The following ORC2 variants were observed in gnomAD, a reference collection of about 807,000 sequenced individuals.
ORC2 encodes the protein origin recognition complex subunit 2.
In ORC2, 37 loss-of-function variants were observed where a neutral mutation model predicts 77.7. The observed-to-expected ratio is 0.48, with a 90% CI of 0.37 to 0.63. ORC2 has a LOEUF of 0.63. ORC2 is among the 20% of genes least tolerant of loss of function. The pLI is 0.00. For missense variants in ORC2, 557 were observed against 661.9 expected, an observed-to-expected ratio of 0.84 and a Z score of 1.74; for synonymous variants, 201 against 229.5, an observed-to-expected ratio of 0.88 and a Z score of 1.12.
At chr2:200,948,254 G>A (rs1482270402) in intron 5 of ORC2, among the ~76,000 whole-genome samples, 3 of 152,008 alleles carry the variant, frequency 2.0e-5, no homozygotes, top group African/African-American at 7.2e-5. Context: ...TCGCTATGTT[G>A]CCCAGGCTGG....
Position 200,926,862 on chromosome 2 carries a change from T to A in ORC2, c.956A>T (p.Lys319Met). The A allele has an allele frequency of 6.2e-7, 1 of 1,613,914 alleles. No homozygotes were observed. The highest frequency in any genetic ancestry group is 8.5e-7 in the Non-Finnish European group (1 of 1,179,846). The change falls in exon 12 of 18, where the codon AAG (lysine) becomes ATG (methionine). Residue 319 changes from lysine to methionine, a missense_variant. Lys to Met is a moderately conservative substitution (Grantham distance 95). Transcript: ENST00000234296. ...FNIVLYGLGSKRDLLERFRTT... is the reference protein window; with the variant it reads ...FNIVLYGLGSMRDLLERFRTT... ...TCGAAACCTTTCTAGTAAATCTCTCTTAGAACCCAAACCATAAAGCACAAT... is the reference window on the plus strand; with the variant it reads ...TCGAAACCTTTCTAGTAAATCTCTCATAGAACCCAAACCATAAAGCACAAT...
In ORC2 at chr2:200,909,232, A is replaced by G. The variant is rs1559353892; in HGVS notation, c.*2069T>C. The G allele has an allele frequency of 6.6e-6, 1 of 152,222 alleles. No homozygotes were observed. Among genetic ancestry groups the G allele is most frequent in the African/African-American group, 2.4e-5 (1 of 41,460 alleles). The allele number at this position is 152,222 out of a possible 1,614,324, so 9.4% of individuals were successfully genotyped here. On this transcript the variant is annotated 3_prime_UTR_variant, in exon 18 of 18. Transcript: ENST00000234296. ...AAGACAGATACTTTTACATATGCAT[A>G]GACGATATCTGGAAGAATACTTAAG... is the stretch of plus-strand genomic sequence containing the variant.
Position 200,935,910 on chromosome 2 carries a change from G to A in ORC2, c.515-18C>T. On this transcript the variant is annotated intron_variant, in intron 8 of 17. Coordinates refer to ENST00000234296, the MANE Select transcript of ORC2 (RefSeq NM_006190.5). ...CCTTGGAACTGTGGGGGGAAAAATA[G>A]CAATTTGGACAATTTCATGGTTTGA... 1 of 1,605,498 alleles carries A rather than the reference G, an allele frequency of 6.2e-7. No individual in the cohort carries two copies. Among genetic ancestry groups the A allele is most frequent in the Non-Finnish European group, 8.5e-7 (1 of 1,175,624 alleles).
chr2:200,920,087 T>C (rs2040729184), intron 15 of ORC2, 135 bp downstream of exon 15: 1 of 601,572 alleles, frequency 1.7e-6, no homozygotes, highest in South Asian at 3.1e-5. Flanking sequence ...CATAATCCAG[T>C]ACTGGTAACT....
At chr2:200,920,929 A>G (rs2040745730) in intron 14 of ORC2, 64 bp downstream of exon 14, 3 of 1,195,120 alleles carry the variant, frequency 2.5e-6, no homozygotes, top group Non-Finnish European at 1.1e-6. Flanking sequence ...TCTGATTTAT[A>G]TTAATAGAAT....
rs146776060 is a variant in ORC2 at position 200,957,431 on chromosome 2, A to G, written c.208T>C (p.Tyr70His). The stretch of plus-strand genomic sequence containing the variant: ...ACATCTCTTCCCATAATTTCCACAT[A>G]GTTCTGATCTTTTAAGACCTCCTGG... Reference protein sequence around the residue: ...DDQEVLKDQNYVEIMGRDVQE... With the variant: ...DDQEVLKDQNHVEIMGRDVQE... The change falls in exon 4 of 18, where the codon TAT (tyrosine) becomes CAT (histidine). Residue 70 changes from tyrosine (Y) to histidine (H), a missense_variant. Transcript: ENST00000234296. 5.0e-5 allele frequency: 81 copies of G among 1,605,050 alleles called. No individual in the cohort carries two copies. Among genetic ancestry groups the G allele is most frequent in the Non-Finnish European group, 5.6e-5 (66 of 1,176,410 alleles).
intron 4 of ORC2, 48 bp downstream of exon 4, chr2:200,957,353 A>C (rs778505240): frequency 9.0e-6 from 13 of 1,437,332 alleles, no homozygotes; most frequent in Non-Finnish European, 1.1e-5. Context: ...CTATAAAGCA[A>C]TTTCTGCTAC....
At chr2:200,916,081 A>G (rs1267921221) in intron 15 of ORC2, among the ~76,000 whole-genome samples, 1 of 152,198 alleles carries the variant, frequency 6.6e-6, no homozygotes, top group Non-Finnish European at 1.5e-5. Context: ...ATACCAAGTA[A>G]AGTCTAAATG....
intron 7 of ORC2, 138 bp from the exon 8 acceptor site, chr2:200,938,104 TAGA>T (rs1224921290): frequency 5.1e-6 from 3 of 588,120 alleles, no homozygotes; most frequent in East Asian, 6.0e-5. Flanking sequence ...TTCCTAGAAC[TAGA>T]AGATTATGAC....
chr2:200,929,215 T>G (rs562933174), intron 11 of ORC2, among the ~76,000 whole-genome samples: 1 of 152,288 alleles, frequency 6.6e-6, no homozygotes, highest in East Asian at 1.9e-4. Context: ...CCTCCCAAAG[T>G]GCTGGAATTA....
At chr2:200,954,900 G>GAATAAATA (rs201884834) in intron 4 of ORC2, among the ~76,000 whole-genome samples, 251 of 138,398 alleles carry the variant, frequency 1.8e-3, no homozygotes, top group Middle Eastern at 7.0e-3. Flanking sequence ...ATGAATGAAT[G>GAATAAATA]AATGAATAAA....
At chr2:200,950,493 G>A (rs1328304672) in intron 4 of ORC2, among the ~76,000 whole-genome samples, 1 of 152,034 alleles carries the variant, frequency 6.6e-6, no homozygotes, top group Non-Finnish European at 1.5e-5. Flanking sequence ...GGATCCCTGA[G>A]GTCAAAATTA....
chr2:200,934,376 G>A (rs1302712275), intron 9 of ORC2, among the ~76,000 whole-genome samples: 3 of 151,632 alleles, frequency 2.0e-5, no homozygotes, highest in Non-Finnish European at 4.4e-5. Flanking sequence ...GTGTAGTGGT[G>A]CAAATACAGC....
Position 200,958,169 on chromosome 2 carries a change from A to G in ORC2, c.-10-36T>C, listed in dbSNP as rs1302056625. On this transcript the variant is annotated intron_variant, in intron 2 of 17. Transcript: ENST00000234296. ...ACAGTAAGTTACTCAAAAGTGATGA[A>G]GAATTCATATCAACCACCAAATTAA... 10 of 1,171,006 alleles carry G rather than the reference A, an allele frequency of 8.5e-6. No homozygotes were observed. The Admixed American group carries it at 1.5e-4, about 18-fold the overall frequency. The allele number at this position is 1,171,006 out of a possible 1,614,324, so 72.5% of individuals were successfully genotyped here.
Position 200,937,767 on chromosome 2 carries a change from A to T in ORC2, c.514+139T>A. The T allele has an allele frequency of 4.9e-6, 3 of 614,232 alleles. No individual in the cohort carries two copies. In the South Asian group the frequency reaches 6.1e-5, roughly 12 times the overall value. The allele number at this position is 614,232 out of a possible 1,614,324, so 38.0% of individuals were successfully genotyped here. A position where few individuals can be genotyped will look rare whatever the true frequency, so the allele number is the denominator to read the frequency against. ...ATACACTGACTACAATGTGAAAGAC[A>T]TGGTGCTAAGTGTTGCAACTAAAAG... is the stretch of plus-strand genomic sequence containing the variant. On this transcript the variant is annotated intron_variant, in intron 8 of 17. Transcript: ENST00000234296.
chr2:200,930,909 A>G (rs969467743), intron 11 of ORC2, among the ~76,000 whole-genome samples: 1 of 152,214 alleles, frequency 6.6e-6, no homozygotes, highest in Non-Finnish European at 1.5e-5. Flanking sequence ...AAATCTGTTC[A>G]TAAAATTCTG....
At chr2:200,917,976 G>T (rs2040687148) in intron 15 of ORC2, among the ~76,000 whole-genome samples, 2 of 150,784 alleles carry the variant, frequency 1.3e-5, no homozygotes, top group African/African-American at 4.9e-5. Context: ...CTTCTCCAGG[G>T]TTGGTACCTA....
At chr2:200,931,543 G>A in intron 10 of ORC2, 95 bp from the exon 11 acceptor site, 1 of 604,510 alleles carries the variant, frequency 1.7e-6, no homozygotes. Context: ...CTTAGAAGAA[G>A]CCAATCCAAT....
At chr2:200,915,597 A>G (rs747187206) in intron 15 of ORC2, among the ~76,000 whole-genome samples, 1 of 152,232 alleles carries the variant, frequency 6.6e-6, no homozygotes, top group Non-Finnish European at 1.5e-5. Flanking sequence ...GACTCCCATC[A>G]GTCCTTGGGT....
Sources: allele counts gnomAD v4.1 joint callset (sites outside exome capture counted in the v4.1 genomes callset), GRCh38; gene constraint gnomAD v4.1.1; transcripts MANE v1.5; gene names NCBI Gene and HGNC (gene_info 2026-07-23, HGNC 2026-07-21).